Variants in SLC7A14 observed in about 807,000 individuals in gnomAD.
SLC7A14 encodes solute carrier family 7 member 14, also known as gamma-aminobutyric acid transporter SLC7A14.
A neutral mutation model predicts 60.2 loss-of-function variants in SLC7A14; 37 were observed. That is an observed-to-expected ratio of 0.61 (90% CI 0.47 to 0.81). The LOEUF (loss-of-function observed/expected upper bound fraction) is 0.81, where lower values mean the gene tolerates loss of function less well. SLC7A14 is among the 30% of genes least tolerant of loss of function. The pLI, the probability that SLC7A14 is intolerant of heterozygous loss-of-function variation, is 0.00. For synonymous variants in SLC7A14, 399 were observed against 395.8 expected (o/e 1.01, Z -0.10); for missense variants, 886 against 982.7 (o/e 0.90, Z 1.32).
At position 170,555,282 on chromosome 3, in the gene SLC7A14, T is replaced by A. The variant is rs751199278; in HGVS notation, c.-152-28194A>T. On this transcript the variant is annotated intron_variant, in intron 1 of 7. Coordinates refer to ENST00000231706, the MANE Select transcript of SLC7A14 (RefSeq NM_020949.3). ...ACAGGGAGTGTGAAGAAGAAAATAA[T>A]AATCACCCATATTCCACTCCCTAGA... 9.2e-5 allele frequency among the ~76,000 whole-genome samples: 14 copies of A among 151,908 alleles called. 1 individual carries two copies. The highest frequency in any genetic ancestry group is 1.9e-4 in the Non-Finnish European group (13 of 67,988).
intron 1 of SLC7A14, among the ~76,000 whole-genome samples, chr3:170,559,127 T>C (rs1002376048): frequency 7.9e-5 from 12 of 152,238 alleles, no homozygotes; most frequent in Middle Eastern, 3.2e-3. Flanking sequence ...TCTTGTCAAT[T>C]GCCACCAGTA....
intron 1 of SLC7A14, among the ~76,000 whole-genome samples, chr3:170,542,113 G>A (rs1257908515): frequency 6.6e-6 from 1 of 152,090 alleles, no homozygotes; most frequent in African/African-American, 2.4e-5. Flanking sequence ...CTCTTACTTG[G>A]TTACAGAATC....
chr3:170,489,262 GA>G (rs1268440747), intron 4 of SLC7A14, among the ~76,000 whole-genome samples: 1 of 152,038 alleles, frequency 6.6e-6, no homozygotes, highest in Non-Finnish European at 1.5e-5. Flanking sequence ...AACTCTATAG[GA>G]AAAAATCTAA....
chr3:170,560,139 C>A (rs1714605824), intron 1 of SLC7A14, among the ~76,000 whole-genome samples: 1 of 152,274 alleles, frequency 6.6e-6, no homozygotes, highest in South Asian at 2.1e-4. Flanking sequence ...GTAATTCTAT[C>A]ATTTTAAATT....
Position 170,486,345 on chromosome 3 carries a change from G to A in SLC7A14, c.783C>T (p.Cys261=). 1 of 1,614,240 alleles carries A rather than the reference G, an allele frequency of 6.2e-7. No homozygotes were observed. The highest frequency in any genetic ancestry group is 1.1e-5 in the South Asian group (1 of 91,090). Residue 261 remains cysteine (C), a synonymous_variant, in exon 5 of 8, where the codon TGC becomes TGT. Transcript: ENST00000231706. The part of the protein sequence containing the change: ...WSGVLQGAAT[C]FYAFIGFDII... ...TGTCAAAGCCAATGAAAGCGTAGAA[G>A]CATGTTGCTGCTCCTTGCAGCACCT...
At chr3:170,526,072 G>GT (rs142439191) in intron 2 of SLC7A14, among the ~76,000 whole-genome samples, 1 of 138,504 alleles carries the variant, frequency 7.2e-6, no homozygotes, top group Non-Finnish European at 1.6e-5. Flanking sequence ...GCAAGACTCT[G>GT]TTTAAAAAAA....
At chr3:170,559,977 T>G (rs1013556720) in intron 1 of SLC7A14, among the ~76,000 whole-genome samples, 1 of 152,256 alleles carries the variant, frequency 6.6e-6, no homozygotes. Flanking sequence ...GATAATCCCG[T>G]AGCTCTTTTA....
At position 170,461,945 on chromosome 3, in the gene SLC7A14, C is replaced by G. The variant is rs766819476; in HGVS notation, c.*5110G>C. On this transcript the variant is annotated 3_prime_UTR_variant, in exon 8 of 8. Transcript: ENST00000231706. ...CTGGATGTGTTTCCTTTGCTCTCCTCTCTTTCCCTCCATTGGAAGTTAGGG... is the reference window on the plus strand; with the variant it reads ...CTGGATGTGTTTCCTTTGCTCTCCTGTCTTTCCCTCCATTGGAAGTTAGGG... The G allele has an allele frequency of 5.9e-5, 9 of 152,632 alleles. No homozygotes were observed. The highest frequency in any genetic ancestry group is 1.0e-4 in the Non-Finnish European group (7 of 68,090). 9.5% of individuals were successfully genotyped at this position (152,632 alleles called of 1,614,324 possible). A position where few individuals can be genotyped will look rare whatever the true frequency, so the allele number is the denominator to read the frequency against.
intron 2 of SLC7A14, among the ~76,000 whole-genome samples, chr3:170,511,463 A>G (rs1712977759): frequency 6.6e-6 from 1 of 152,178 alleles, no homozygotes; most frequent in Non-Finnish European, 1.5e-5. Context: ...AGGTCACCCA[A>G]TTCATTGACC....
At chr3:170,504,181 G>C (rs1712697639) in intron 2 of SLC7A14, among the ~76,000 whole-genome samples, 1 of 152,126 alleles carries the variant, frequency 6.6e-6, no homozygotes, top group African/African-American at 2.4e-5. Flanking sequence ...AATGTTTACA[G>C]CCTCAAATAT....
rs540373499 is a variant in SLC7A14 at position 170,470,342 on chromosome 3, G to A, written c.1994-2965C>T. Among the ~76,000 whole-genome samples the A allele has an allele frequency of 5.3e-5, 8 of 150,838 alleles. No individual in the cohort carries two copies. The South Asian group carries it at 1.2e-3, about 24-fold the overall frequency. ...TGTGTGTGTGTGTGTGTGTGTGTAT[G>A]TGTGTGTGTCTGTGTCTGCGCGCTC... On this transcript the variant is annotated intron_variant, in intron 7 of 7. Coordinates refer to ENST00000231706, the MANE Select transcript of SLC7A14 (RefSeq NM_020949.3).
intron 6 of SLC7A14, 124 bp from the exon 7 acceptor site, chr3:170,481,290 C>G (rs1220086300): frequency 3.0e-6 from 3 of 997,694 alleles, no homozygotes; most frequent in East Asian, 5.3e-5. Context: ...TCCTGCTCCA[C>G]CAATTTACTT....
intron 1 of SLC7A14, among the ~76,000 whole-genome samples, chr3:170,529,410 C>T (rs1713608996): frequency 6.6e-6 from 1 of 152,166 alleles, no homozygotes; most frequent in Admixed American, 6.5e-5. Context: ...ACTATTGTGG[C>T]TTCAGTGTTT....
chr3:170,515,277 C>T (rs997537271), intron 2 of SLC7A14, among the ~76,000 whole-genome samples: 4 of 151,186 alleles, frequency 2.6e-5, no homozygotes, highest in Non-Finnish European at 5.9e-5. Flanking sequence ...CATGCCACTA[C>T]ACTCCATCCT....
At chr3:170,470,890 A>C (rs1739882220) in intron 7 of SLC7A14, among the ~76,000 whole-genome samples, 1 of 152,132 alleles carries the variant, frequency 6.6e-6, no homozygotes, top group African/African-American at 2.4e-5. Flanking sequence ...TTAGAGAATG[A>C]AGCATGAGGT....
At chr3:170,556,062 A>G (rs1434656089) in intron 1 of SLC7A14, among the ~76,000 whole-genome samples, 2 of 152,248 alleles carry the variant, frequency 1.3e-5, no homozygotes, top group Non-Finnish European at 2.9e-5. Flanking sequence ...AGTTCTGCCC[A>G]TAGTGGGTGT....
chr3:170,522,358 T>C (rs1713363285), intron 2 of SLC7A14, among the ~76,000 whole-genome samples: 1 of 152,208 alleles, frequency 6.6e-6, no homozygotes, highest in Non-Finnish European at 1.5e-5. Flanking sequence ...GTGAGTTTAT[T>C]TACATCGGCC....
At chr3:170,490,024 C>T (rs550890702) in intron 4 of SLC7A14, among the ~76,000 whole-genome samples, 28 of 152,120 alleles carry the variant, frequency 1.8e-4, no homozygotes, top group African/African-American at 6.5e-4. Flanking sequence ...GTAAGACCTA[C>T]TATTAGATAA....
At chr3:170,483,096 A>T (rs1711887106) in intron 6 of SLC7A14, among the ~76,000 whole-genome samples, 1 of 152,108 alleles carries the variant, frequency 6.6e-6, no homozygotes, top group Non-Finnish European at 1.5e-5. Flanking sequence ...GGGGACACAC[A>T]TCAGCTTGTG....
Sources: gnomAD v4.1 joint callset for allele counts (sites outside exome capture counted in the v4.1 genomes callset) on GRCh38, gnomAD v4.1.1 for gene constraint, MANE v1.5 for transcripts, NCBI Gene and HGNC (gene_info 2026-07-23, HGNC 2026-07-21) for gene names.